TRIM55: variants seen among roughly 807,000 people sequenced by gnomAD.
TRIM55 encodes the protein tripartite motif-containing protein 55.
A neutral mutation model predicts 60.9 loss-of-function variants in TRIM55; 50 were observed. The observed-to-expected ratio is 0.82, with a 90% CI of 0.65 to 1.04. The LOEUF is 1.04. Ranked by LOEUF, TRIM55 falls within the 50% of genes least tolerant of loss-of-function variation. The probability of loss-of-function intolerance (pLI) is 0.00; values close to 1 mark genes in which losing one functional copy is unlikely to be tolerated. For synonymous variants in TRIM55, 237 were observed against 238.1 expected (o/e 1.00, Z 0.04); for missense variants, 681 against 666.9 (o/e 1.02, Z -0.23).
chr8:66,170,007 T>G (rs1174648881), intron 9 of TRIM55, among the ~76,000 whole-genome samples: 1 of 151,100 alleles, frequency 6.6e-6, no homozygotes, highest in Non-Finnish European at 1.5e-5. Flanking sequence ...AGTTTGTGTT[T>G]CTTTAGGAAC....
chr8:66,160,449 A>G (rs1039551434), intron 9 of TRIM55, among the ~76,000 whole-genome samples: 24 of 151,526 alleles, frequency 1.6e-4, no homozygotes, highest in Middle Eastern at 6.8e-3. Flanking sequence ...TAATTTTTCA[A>G]TTGTGAATTG....
chr8:66,135,109 A>C lies in TRIM55; in HGVS notation c.461A>C (p.Lys154Thr). The C allele has an allele frequency of 6.2e-7, 1 of 1,614,144 alleles. No homozygotes were observed. Among genetic ancestry groups the C allele is most frequent in the Non-Finnish European group, 8.5e-7 (1 of 1,180,024 alleles). The change falls in exon 3 of 10, where the codon AAA becomes ACA. Residue 154 changes from lysine (K) to threonine (T), a missense_variant. Physicochemically the swap from Lys to Thr is moderately conservative, Grantham distance 78 (BLOSUM62 -1). Coordinates refer to ENST00000315962, the MANE Select transcript of TRIM55 (RefSeq NM_184085.2). ...CTGTGCAAGGTGTTTGGTGCACACA[A>C]AGACTGCCAGGTGGCTCCCCTCACT... ...CSLCKVFGAH[K>T]DCQVAPLTHV... is the part of the protein sequence containing the mutation.
In TRIM55 at chr8:66,167,573, C is replaced by T. The variant is rs527824723; in HGVS notation, c.1525-6898C>T. 8.7e-4 allele frequency among the ~76,000 whole-genome samples: 133 copies of T among 152,228 alleles called. 1 individual carries two copies. The highest frequency in any genetic ancestry group is 2.2e-3 in the Admixed American group (33 of 15,290). On this transcript the variant is annotated intron_variant, in intron 9 of 9. Transcript: ENST00000315962. The stretch of plus-strand genomic sequence containing the variant: ...CACACCACAGCATCCTCCTCCACGT[C>T]AGGAAGAAGTGAGTTTAATTCCTGC...
At chr8:66,168,686 C>T (rs934975851) in intron 9 of TRIM55, among the ~76,000 whole-genome samples, 1 of 152,226 alleles carries the variant, frequency 6.6e-6, no homozygotes, top group Non-Finnish European at 1.5e-5. Flanking sequence ...GTAACCAGAT[C>T]CTATGTCAGG....
intron 9 of TRIM55, among the ~76,000 whole-genome samples, chr8:66,162,477 T>G (rs1811106623): frequency 6.9e-6 from 1 of 145,652 alleles, no homozygotes; most frequent in Non-Finnish European, 1.5e-5. Context: ...GGTCTGTAGT[T>G]TTTTTTTTTT....
the TRIM55 span, among the ~76,000 whole-genome samples, chr8:66,120,317 GCCTCTAAAT>G: frequency 6.6e-6 from 1 of 152,174 alleles, no homozygotes; most frequent in Non-Finnish European, 1.5e-5. Context: ...CTGAGTGGGA[GCCTCTAAAT>G]CCTTAGAATT....
chr8:66,165,620 C>T (rs1381932619), intron 9 of TRIM55, among the ~76,000 whole-genome samples: 2 of 152,138 alleles, frequency 1.3e-5, no homozygotes, highest in Non-Finnish European at 2.9e-5. Flanking sequence ...AGAGCAATTG[C>T]TATGTGTTTT....
At chr8:66,118,138 C>T in the TRIM55 span, among the ~76,000 whole-genome samples, 1 of 120,878 alleles carries the variant, frequency 8.3e-6, no homozygotes, top group Admixed American at 1.1e-4. Context: ...CACTGCACTC[C>T]AGCCTGGGGG....
intron 8 of TRIM55, among the ~76,000 whole-genome samples, chr8:66,153,688 ACT>A: frequency 6.6e-6 from 1 of 152,132 alleles, no homozygotes; most frequent in African/African-American, 2.4e-5. Context: ...GGTTTTTGGG[ACT>A]CACGTATAAA....
At chr8:66,113,460 G>C in the TRIM55 span, 1 of 454,936 alleles carries the variant, frequency 2.2e-6, no homozygotes, top group South Asian at 1.6e-5. Flanking sequence ...GCTCGAAGGA[G>C]ACAAGTGCGG....
chr8:66,126,299 G>C (rs1056107158), upstream of TRIM55, among the ~76,000 whole-genome samples: 2 of 152,110 alleles, frequency 1.3e-5, no homozygotes, highest in African/African-American at 2.4e-5. Context: ...ACAGATTATT[G>C]TTGCAAACTA....
intron 7 of TRIM55, 104 bp from the exon 8 acceptor site, chr8:66,152,273 C>T: frequency 2.1e-6 from 3 of 1,444,222 alleles, no homozygotes; most frequent in Non-Finnish European, 2.7e-6. Flanking sequence ...CAGAGAAAAA[C>T]TCCCCAGCCT....
chr8:66,170,525 G>T (rs1261172547), intron 9 of TRIM55, among the ~76,000 whole-genome samples: 1 of 152,106 alleles, frequency 6.6e-6, no homozygotes, highest in African/African-American at 2.4e-5. Context: ...CTCTTGGGTT[G>T]TTTCTACCTC....
intron 4 of TRIM55, among the ~76,000 whole-genome samples, chr8:66,148,314 G>A (rs1367953709): frequency 6.6e-6 from 1 of 152,236 alleles, no homozygotes; most frequent in Non-Finnish European, 1.5e-5. Context: ...AAATGTGCAA[G>A]CCAGACTTCC....
chr8:66,155,663 T>C, intron 9 of TRIM55: 1 of 1,613,422 alleles, frequency 6.2e-7, no homozygotes, highest in Non-Finnish European at 8.5e-7. Context: ...TTTCTTATTC[T>C]TCACTACATC....
intron 4 of TRIM55, among the ~76,000 whole-genome samples, chr8:66,142,578 C>G (rs1443584977): frequency 6.6e-6 from 1 of 152,252 alleles, no homozygotes; most frequent in Non-Finnish European, 1.5e-5. Flanking sequence ...TCTAAATGAT[C>G]TGGCTTAGCC....
At chr8:66,169,896 T>A (rs10107870) in intron 9 of TRIM55, among the ~76,000 whole-genome samples, 30,855 of 152,120 alleles carry the variant, frequency 0.2, 5,809 homozygotes, top group African/African-American at 0.5. Context: ...TGAATTTTTT[T>A]AAAATTTTTT....
At chr8:66,117,706 G>A in the TRIM55 span, among the ~76,000 whole-genome samples, 2 of 152,014 alleles carry the variant, frequency 1.3e-5, no homozygotes, top group East Asian at 3.9e-4. Context: ...TAAGAGGGTC[G>A]GGTGGAGGAG....
At chr8:66,117,669 G>A in the TRIM55 span, among the ~76,000 whole-genome samples, 1 of 152,054 alleles carries the variant, frequency 6.6e-6, no homozygotes, top group African/African-American at 2.4e-5. Context: ...GATTGCAGAA[G>A]GCAAGAGTGA....
Sources: allele counts gnomAD v4.1 joint callset (sites outside exome capture counted in the v4.1 genomes callset), GRCh38; gene constraint gnomAD v4.1.1; transcripts MANE v1.5; gene names NCBI Gene and HGNC (gene_info 2026-07-23, HGNC 2026-07-21).